Variants in CPNE5 observed in about 807,000 individuals in gnomAD.
CPNE5 encodes copine 5.
Under a neutral mutation model 81.1 loss-of-function variants are expected in CPNE5, and 42 were observed. That is an observed-to-expected ratio of 0.52 (90% CI 0.40 to 0.67). CPNE5 has a LOEUF of 0.67. CPNE5 is among the 30% of genes least tolerant of loss of function. The pLI is 0.00. For missense variants in CPNE5, 612 were observed against 815.5 expected, an observed-to-expected ratio of 0.75 and a Z score of 3.04; for synonymous variants, 313 against 321.5, an observed-to-expected ratio of 0.97 and a Z score of 0.28.
chr6:36,764,558 G>A (rs146866914), intron 11 of CPNE5, among the ~76,000 whole-genome samples: 1 of 152,160 alleles, frequency 6.6e-6, no homozygotes, highest in Non-Finnish European at 1.5e-5. Context: ...CAAAAGTCAG[G>A]GTGACATATT....
At chr6:36,827,357 T>C (rs1488849272) in intron 1 of CPNE5, 2 of 985,256 alleles carry the variant, frequency 2.0e-6, no homozygotes, top group Non-Finnish European at 2.4e-6. Context: ...CTTCACCCCG[T>C]GAACAATGGG....
chr6:36,799,505 T>C (rs1011557180), intron 4 of CPNE5, among the ~76,000 whole-genome samples: 2 of 152,196 alleles, frequency 1.3e-5, no homozygotes, highest in African/African-American at 4.8e-5. Context: ...GGCACTCTCA[T>C]GTTCCGACGG....
At chr6:36,773,996 G>A (rs910260283) in intron 10 of CPNE5, among the ~76,000 whole-genome samples, 8 of 151,542 alleles carry the variant, frequency 5.3e-5, no homozygotes, top group African/African-American at 1.9e-4. Flanking sequence ...AGCCCAGGAG[G>A]TGGAAGCTGC....
intron 8 of CPNE5, among the ~76,000 whole-genome samples, chr6:36,785,686 T>G (rs236413): frequency 1.3e-5 from 2 of 151,776 alleles, no homozygotes; most frequent in South Asian, 4.2e-4. Context: ...CTGGGCAACA[T>G]AGTGAGACCT....
At position 36,763,006 on chromosome 6, in the gene CPNE5, C is replaced by T. The variant is rs766571159; in HGVS notation, c.780-14G>A. Reference sequence around the variant, plus strand: ...ATGAAGTCATGGCTGCAAGGGAAGACGGCTGCTGAGACCAAGGCCAGGCTG... The same window carrying T: ...ATGAAGTCATGGCTGCAAGGGAAGATGGCTGCTGAGACCAAGGCCAGGCTG... On this transcript the variant is annotated splice_polypyrimidine_tract_variant and intron_variant, in intron 11 of 20. Transcript: ENST00000244751. 74 of 1,613,290 alleles carry T rather than the reference C, an allele frequency of 4.6e-5. No homozygotes were observed. Among genetic ancestry groups the T allele is most frequent in the East Asian group, 8.9e-5 (4 of 44,888 alleles).
intron 14 of CPNE5, among the ~76,000 whole-genome samples, chr6:36,750,902 T>C (rs1041050747): frequency 1.3e-5 from 2 of 152,190 alleles, no homozygotes; most frequent in African/African-American, 2.4e-5. Context: ...AAGGAAGCAA[T>C]TGGAAAGCAG....
chr6:36,751,402 G>A (rs540877343), intron 14 of CPNE5, among the ~76,000 whole-genome samples: 42 of 152,362 alleles, frequency 2.8e-4, no homozygotes, highest in East Asian at 3.9e-4. Flanking sequence ...CCATCTAGGC[G>A]TGTGGCTTCA....
intron 3 of CPNE5, among the ~76,000 whole-genome samples, chr6:36,807,877 A>C (rs1048033586): frequency 2.6e-5 from 4 of 152,122 alleles, no homozygotes; most frequent in Admixed American, 2.0e-4. Context: ...AGAAAACCTA[A>C]GGTTTTCTTA....
chr6:36,792,327 C>T, intron 7 of CPNE5: 7 of 1,525,382 alleles, frequency 4.6e-6, no homozygotes, highest in Middle Eastern at 1.7e-4. Flanking sequence ...CCCCTGCTCC[C>T]CGAGAGCCCA....
At chr6:36,824,085 C>T (rs879475948) in intron 1 of CPNE5, among the ~76,000 whole-genome samples, 2 of 152,238 alleles carry the variant, frequency 1.3e-5, no homozygotes, top group Non-Finnish European at 2.9e-5. Context: ...GTCTTGAAGG[C>T]TGTTGATGCC....
chr6:36,779,163 C>T (rs1767804271), intron 8 of CPNE5, among the ~76,000 whole-genome samples: 1 of 152,190 alleles, frequency 6.6e-6, no homozygotes, highest in Admixed American at 6.5e-5. Context: ...CACAGCTGCC[C>T]CAGTGTGAAT....
At chr6:36,834,075 G>T (rs983925122) in intron 1 of CPNE5, among the ~76,000 whole-genome samples, 2 of 144,048 alleles carry the variant, frequency 1.4e-5, no homozygotes, top group African/African-American at 5.3e-5. Context: ...CAAAACAAAC[G>T]AACAAAAAAA....
chr6:36,835,818 AG>A (rs900944869), intron 1 of CPNE5, among the ~76,000 whole-genome samples: 6 of 152,044 alleles, frequency 3.9e-5, no homozygotes, highest in African/African-American at 1.4e-4. Flanking sequence ...AAAAAAAAAA[AG>A]AATCTCTAGA....
At position 36,766,240 on chromosome 6, in the gene CPNE5, C is replaced by T. The variant is rs545301178; in HGVS notation, c.738-864G>A. Among the ~76,000 whole-genome samples the T allele has an allele frequency of 4.6e-5, 7 of 152,244 alleles. No individual in the cohort carries two copies. The highest frequency in any genetic ancestry group is 9.6e-5 in the African/African-American group (4 of 41,552). ...AGTGGGGTGCAGAGAGGCAGCTCCC[C>T]GGGCCTATCTTTGTTAACATCCCAT... On this transcript the variant is annotated intron_variant, in intron 10 of 20. Transcript: ENST00000244751. This position sits in a 1 kb window ranked among gnomAD's most constrained non-coding sequence, Gnocchi z 4.2.
intron 10 of CPNE5, among the ~76,000 whole-genome samples, chr6:36,773,363 A>G (rs113547450): frequency 0.016 from 2,432 of 152,272 alleles, 67 homozygotes; most frequent in African/African-American, 0.052. Context: ...CACAGCTCCC[A>G]TTTTGGGTGG....
intron 8 of CPNE5, among the ~76,000 whole-genome samples, chr6:36,784,974 C>T (rs1768398432): frequency 6.6e-6 from 1 of 151,326 alleles, no homozygotes; most frequent in Non-Finnish European, 1.5e-5. Flanking sequence ...AAAAGAAATG[C>T]CATTCCCACC....
intron 15 of CPNE5, among the ~76,000 whole-genome samples, chr6:36,747,378 C>A (rs190655949): frequency 1.3e-5 from 2 of 152,298 alleles, no homozygotes; most frequent in Admixed American, 1.3e-4. Flanking sequence ...GTTATGTGAT[C>A]TTGGGTAAGT....
intron 3 of CPNE5, among the ~76,000 whole-genome samples, chr6:36,820,886 G>GCATGAT (rs1771985542): frequency 6.6e-6 from 1 of 151,940 alleles, no homozygotes; most frequent in South Asian, 2.1e-4. Context: ...GTTTGAAGCT[G>GCATGAT]CAGTGAGTCA....
chr6:36,760,916 G>A (rs1765962447), intron 12 of CPNE5, among the ~76,000 whole-genome samples: 1 of 152,192 alleles, frequency 6.6e-6, no homozygotes, highest in African/African-American at 2.4e-5. Flanking sequence ...CCTCCCCCTG[G>A]GACTGCCAGA....
Sources: gnomAD v4.1 joint callset for allele counts (sites outside exome capture counted in the v4.1 genomes callset) on GRCh38, gnomAD v4.1.1 for gene constraint, Gnocchi (gnomAD v3.1) non-coding constraint, MANE v1.5 for transcripts, NCBI Gene and HGNC (gene_info 2026-07-23, HGNC 2026-07-21) for gene names.